The following IDUA variants were observed in gnomAD, a reference collection of about 807,000 sequenced individuals.
The protein encoded by IDUA is alpha-L-iduronidase, also known as iduronidase alpha-L-.
IDUA carries 65 observed loss-of-function variants against 68.9 expected under a neutral mutation model. The observed-to-expected ratio is 0.94, with a 90% CI of 0.77 to 1.16. IDUA has a LOEUF of 1.16. IDUA is among the 50% of genes most tolerant of loss of function. IDUA has a pLI of 0.00. For missense variants in IDUA, 1,046 were observed against 938.0 expected (o/e 1.12, Z -1.50); for synonymous variants, 529 against 433.6 (o/e 1.22, Z -2.73).
chr4:987,061 C>T lies in IDUA; in HGVS notation c.-24C>T, dbSNP rs759734021. Reference sequence around the variant, plus strand: ...GAACCGGCAGTGCAGCCCGAAGCCCCGCAGTCCCCGAGCACGCGTGGCCAT... The same window carrying T: ...GAACCGGCAGTGCAGCCCGAAGCCCTGCAGTCCCCGAGCACGCGTGGCCAT... On this transcript the variant is annotated 5_prime_UTR_variant, in exon 1 of 14. Transcript: ENST00000514224. 6.6e-7 allele frequency: 1 copy of T among 1,514,014 alleles called. No individual in the cohort carries two copies. Among genetic ancestry groups the T allele is most frequent in the African/African-American group, 1.4e-5 (1 of 69,408 alleles). 93.8% of individuals were successfully genotyped at this position (1,514,014 alleles called of 1,614,324 possible).
chr4:993,092 C>T (rs1334122811), intron 2 of IDUA, among the ~76,000 whole-genome samples: 9 of 152,130 alleles, frequency 5.9e-5, no homozygotes, highest in Non-Finnish European at 1.2e-4. Flanking sequence ...GTGTCCCCTT[C>T]CCTGGAAGAC....
intron 4 of IDUA, 122 bp downstream of exon 4, chr4:1,001,111 G>T: frequency 2.7e-6 from 2 of 740,656 alleles, no homozygotes; most frequent in Non-Finnish European, 4.6e-6. Flanking sequence ...GCAGGCCCTT[G>T]TGGGGGGATG....
At position 1,004,021 on chromosome 4, in the gene IDUA, G is replaced by A; in HGVS notation, c.1737G>A (p.Trp579Ter). Residue 579 changes from tryptophan to a stop codon, truncating the protein, a stop_gained, in exon 13 of 14, where the codon TGG becomes TGA. Transcript: ENST00000514224. LOFTEE classifies it high-confidence loss of function. This position sits in a 1 kb window ranked among gnomAD's most constrained non-coding sequence, Gnocchi z 5.0. ...SDEHVGSKCL[W>*]TYEIQFSQDG... ...GGCCTGACCTCCCCAGGTGCCTGTG[G>A]ACATACGAGATCCAGTTCTCTCAGG... The A allele has an allele frequency of 6.2e-7, 1 of 1,611,790 alleles. No individual in the cohort carries two copies. The highest frequency in any genetic ancestry group is 8.5e-7 in the Non-Finnish European group (1 of 1,179,492).
chr4:987,600 G>T (rs531641237), intron 1 of IDUA: 1 of 1,421,352 alleles, frequency 7.0e-7, no homozygotes, highest in Non-Finnish European at 9.2e-7. Flanking sequence ...CAGGGCTGGC[G>T]TTGGCCCCTC....
At chr4:1,003,294 G>T in intron 10 of IDUA, 51 bp from the exon 11 acceptor site, 2 of 1,386,542 alleles carry the variant, frequency 1.4e-6, no homozygotes, top group South Asian at 3.2e-5. Flanking sequence ...AGGTCGGGCC[G>T]AGCGTCCCCA....
Position 1,003,330 on chromosome 4 carries a change from G to C in IDUA, c.1525-15G>C, listed in dbSNP as rs755037135. ...GCTCCCCTGGAGAACCCTGAGGACC[G>C]GCCACTGCGCCCAGGACCCGGTGGC... is the stretch of plus-strand genomic sequence containing the variant. On this transcript the variant is annotated splice_polypyrimidine_tract_variant and intron_variant, in intron 10 of 13. Coordinates refer to ENST00000514224, the MANE Select transcript of IDUA (RefSeq NM_000203.5). 5 of 1,447,864 alleles carry C rather than the reference G, an allele frequency of 3.5e-6. No homozygotes were observed. Among genetic ancestry groups the C allele is most frequent in the Non-Finnish European group, 3.6e-6 (4 of 1,108,928 alleles). 89.7% of individuals were successfully genotyped at this position (1,447,864 alleles called of 1,614,324 possible). A position where few individuals can be genotyped will look rare whatever the true frequency, so the allele number is the denominator to read the frequency against.
At chr4:991,519 T>C in intron 2 of IDUA, 1 of 1,608,206 alleles carries the variant, frequency 6.2e-7, no homozygotes, top group South Asian at 1.1e-5. Context: ...CGGGCGGTAC[T>C]GACGCAGCCA....
In IDUA at chr4:1,004,390, A is replaced by T. The variant is rs1264323702; in HGVS notation, c.1959A>T (p.Pro653=). ...VPRGPPSPGN[P] ...GAGGGCCCCCATCCCCGGGCAATCCATGAGCCTGTGCTGAGCCCCAGTGGG... is the reference window on the plus strand; with the variant it reads ...GAGGGCCCCCATCCCCGGGCAATCCTTGAGCCTGTGCTGAGCCCCAGTGGG... Residue 653 remains proline, a synonymous_variant, in exon 14 of 14, where the codon CCA becomes CCT. Transcript: ENST00000514224. The surrounding 1 kb of genome is among the most constrained non-coding windows in gnomAD (Gnocchi z 5.0). 3 of 1,610,280 alleles carry T rather than the reference A, an allele frequency of 1.9e-6. No homozygotes were observed. The highest frequency in any genetic ancestry group is 1.7e-6 in the Non-Finnish European group (2 of 1,179,944).
intron 2 of IDUA, among the ~76,000 whole-genome samples, chr4:998,893 G>A (rs935966): frequency 0.61 from 91,641 of 150,842 alleles, 28,388 homozygotes; most frequent in African/African-American, 0.71. Context: ...AACCCCCATG[G>A]CCCCCAGCCA....
In IDUA at chr4:987,182, A is replaced by G. The variant is rs1285765100; in HGVS notation, c.98A>G (p.His33Arg). 1 of 1,471,268 alleles carries G rather than the reference A, an allele frequency of 6.8e-7. No individual in the cohort carries two copies. The highest frequency in any genetic ancestry group is 8.9e-7 in the Non-Finnish European group (1 of 1,117,632). The allele number at this position is 1,471,268 out of a possible 1,614,324, so 91.1% of individuals were successfully genotyped here. ...CCGGCCGAGGCCCCGCACCTGGTGC[A>G]TGTGGACGCGGCCCGCGCGCTGTGG... ...VAPAEAPHLV[H>R]VDAARALWPL... is the part of the protein sequence containing the mutation. Residue 33 changes from histidine (H) to arginine (R), a missense_variant, in exon 1 of 14, where the codon CAT becomes CGT. Transcript: ENST00000514224.
chr4:1,002,663 G>A (rs1715168620), intron 8 of IDUA, 69 bp from the exon 9 acceptor site: 2 of 1,245,446 alleles, frequency 1.6e-6, no homozygotes, highest in Non-Finnish European at 2.2e-6. Flanking sequence ...GTGGTGGGAG[G>A]CCCGGCCCTG....
chr4:988,511 T>G, intron 2 of IDUA: 1 of 1,164,882 alleles, frequency 8.6e-7, no homozygotes, highest in Non-Finnish European at 1.1e-6. Flanking sequence ...CGGGGGACCC[T>G]TGTTCAAATA....
intron 2 of IDUA, among the ~76,000 whole-genome samples, chr4:994,585 C>A (rs1349774068): frequency 6.6e-6 from 1 of 151,626 alleles, no homozygotes. Flanking sequence ...CTACAGGCAC[C>A]CGCCACCACG....
In IDUA at chr4:1,000,872, T is replaced by C; in HGVS notation, c.386-10T>C. On this transcript the variant is annotated splice_polypyrimidine_tract_variant and intron_variant, in intron 3 of 13. Coordinates refer to ENST00000514224, the MANE Select transcript of IDUA (RefSeq NM_000203.5). The stretch of plus-strand genomic sequence containing the variant: ...GTGGTGGGCGGTGGGGCAGCCCTCC[T>C]GTGTTCCAGGGTTTGAGCTGATGGG... 6.2e-7 allele frequency: 1 copy of C among 1,609,572 alleles called. No individual in the cohort carries two copies. The highest frequency in any genetic ancestry group is 1.1e-5 in the South Asian group (1 of 91,018).
chr4:988,140 C>T, intron 2 of IDUA, 191 bp downstream of exon 2: 1 of 1,406,480 alleles, frequency 7.1e-7, no homozygotes, highest in South Asian at 1.6e-5. Flanking sequence ...CTGCATGGGG[C>T]ACGGTGGGCT....
intron 4 of IDUA, 133 bp downstream of exon 4, chr4:1,001,122 G>A: frequency 2.9e-6 from 2 of 698,452 alleles, no homozygotes; most frequent in South Asian, 3.3e-5. Flanking sequence ...TGGGGGGATG[G>A]GGGTGACAAG....
At chr4:989,288 T>C (rs1476255673) in intron 2 of IDUA, 1 of 1,612,620 alleles carries the variant, frequency 6.2e-7, no homozygotes, top group East Asian at 2.2e-5. Flanking sequence ...AAGAAGTCCT[T>C]GTTGGCATAG....
Position 1,002,257 on chromosome 4 carries a change from G to A in IDUA, c.973-12G>A. 2 of 1,606,684 alleles carry A rather than the reference G, an allele frequency of 1.2e-6. No homozygotes were observed. Among genetic ancestry groups the A allele is most frequent in the Non-Finnish European group, 1.7e-6 (2 of 1,176,950 alleles). On this transcript the variant is annotated splice_polypyrimidine_tract_variant and intron_variant, in intron 7 of 13. Transcript: ENST00000514224. ...CGCGCCACCCGGTCCCAGCTGCCCT[G>A]GACACCCGCAGGTCATCGCGCAGCA... is the stretch of plus-strand genomic sequence containing the variant.
At chr4:998,429 C>A (rs1273057527) in intron 2 of IDUA, among the ~76,000 whole-genome samples, 4 of 152,128 alleles carry the variant, frequency 2.6e-5, no homozygotes, top group African/African-American at 9.7e-5. Flanking sequence ...GTAACCCCAT[C>A]CCCCACCACT....
Sources: allele counts gnomAD v4.1 joint callset (sites outside exome capture counted in the v4.1 genomes callset), GRCh38; gene constraint gnomAD v4.1.1; non-coding constraint Gnocchi (gnomAD v3.1); transcripts MANE v1.5; gene names NCBI Gene and HGNC (gene_info 2026-07-23, HGNC 2026-07-21).